Variants in USP54 observed in about 807,000 individuals in gnomAD.
The protein encoded by USP54 is ubiquitin specific peptidase 54, also known as ubiquitin carboxyl-terminal hydrolase 54.
In USP54, 87 loss-of-function variants were observed where a neutral mutation model predicts 170.5. The observed-to-expected ratio is 0.51, with a 90% CI of 0.43 to 0.61. The LOEUF is 0.61. Among genes scored for constraint, USP54 ranks in the 20% least tolerant of loss-of-function variants. The probability of loss-of-function intolerance (pLI) is 0.00; values close to 1 mark genes in which losing one functional copy is unlikely to be tolerated. For synonymous variants in USP54, 655 were observed against 742.8 expected (o/e 0.88, Z 1.92); for missense variants, 1,786 against 2,047.8 (o/e 0.87, Z 2.47).
chr10:73,550,866 G>T (rs1267120700), intron 4 of USP54, among the ~76,000 whole-genome samples: 1 of 152,146 alleles, frequency 6.6e-6, no homozygotes, highest in African/African-American at 2.4e-5. Context: ...CAGCACTTTG[G>T]GAGGCCGAGG....
Position 73,517,262 on chromosome 10 carries a change from C to G in USP54, c.3164G>C (p.Cys1055Ser), listed in dbSNP as rs1432269815. 2 of 1,613,888 alleles carry G rather than the reference C, an allele frequency of 1.2e-6. No individual in the cohort carries two copies. The highest frequency in any genetic ancestry group is 1.3e-5 in the African/African-American group (1 of 74,936). Reference protein sequence around the residue: ...SERGDEHSLGCSPSNSSAQPS... With the variant: ...SERGDEHSLGSSPSNSSAQPS... ...CTGAGCTGATGAATTTGAAGGACTA[C>G]AGCCTAGGCTGTGTTCATCACCCCT... Residue 1055 changes from cysteine to serine, a missense_variant, in exon 20 of 24, where the codon TGT (cysteine) becomes TCT (serine). Physicochemically the swap from Cys to Ser is moderately radical, Grantham distance 112 (BLOSUM62 -1). Transcript: ENST00000687698.
At chr10:73,520,856 T>C in intron 18 of USP54, 52 bp downstream of exon 18, 3 of 1,612,360 alleles carry the variant, frequency 1.9e-6, no homozygotes, top group Non-Finnish European at 2.5e-6. Context: ...TAATAATACC[T>C]ATTGTGAAGT....
At chr10:73,579,761 A>C (rs569156651) in intron 1 of USP54, among the ~76,000 whole-genome samples, 66 of 152,016 alleles carry the variant, frequency 4.3e-4, no homozygotes, top group East Asian at 1.5e-3. Context: ...CATCTCAAAA[A>C]AACAACAACA....
Position 73,498,669 on chromosome 10 carries a change from T to C in USP54, c.5015A>G (p.Glu1672Gly), listed in dbSNP as rs2057421532. The change falls in exon 24 of 24, where the codon GAG (glutamate) becomes GGG (glycine). Residue 1672 changes from glutamate to glycine, a missense_variant. By Grantham distance (98) the Glu-to-Gly change is moderately conservative. This residue lies in a region of USP54 where 1,418 missense variants were observed against 1,569.0 expected (regional missense o/e 0.90). Coordinates refer to ENST00000687698, the MANE Select transcript of USP54 (RefSeq NM_001391956.1). ...LFVLSDAPRR[E>G]QIRARVLQHS... ...CTGCAGGACTCTAGCCCTGATCTGC[T>C]CTCTTCTGGGAGCATCTGATAGAAC... 1.3e-6 allele frequency: 2 copies of C among 1,583,144 alleles called. No homozygotes were observed.
At chr10:73,586,087 C>T (rs370661287) in intron 1 of USP54, among the ~76,000 whole-genome samples, 4 of 152,200 alleles carry the variant, frequency 2.6e-5, no homozygotes, top group East Asian at 3.9e-4. Flanking sequence ...TGAGAATCAC[C>T]GGACCTTACC....
chr10:73,614,505 A>G (rs1437728685), intron 1 of USP54, among the ~76,000 whole-genome samples: 1 of 143,970 alleles, frequency 6.9e-6, no homozygotes, highest in African/African-American at 2.8e-5. Flanking sequence ...TGTTGCAGTG[A>G]GCCGAGATCA....
intron 19 of USP54, 55 bp from the exon 20 acceptor site, chr10:73,517,802 A>C: frequency 6.5e-7 from 1 of 1,532,200 alleles, no homozygotes; most frequent in Non-Finnish European, 8.8e-7. Flanking sequence ...AGGAACACTT[A>C]CAGAAAGAAC....
At chr10:73,572,576 T>C (rs1431199967) in intron 3 of USP54, among the ~76,000 whole-genome samples, 2 of 152,302 alleles carry the variant, frequency 1.3e-5, no homozygotes, top group Non-Finnish European at 2.9e-5. Context: ...AAACTGGCTA[T>C]GCTCCCAAGT....
chr10:73,556,933 C>G (rs542425941), intron 4 of USP54, among the ~76,000 whole-genome samples: 1 of 152,264 alleles, frequency 6.6e-6, no homozygotes, highest in East Asian at 1.9e-4. Context: ...TACTAGCATT[C>G]TTAAAAGAAA....
At chr10:73,621,599 CAAA>C (rs11380656) in intron 1 of USP54, among the ~76,000 whole-genome samples, 3 of 61,168 alleles carry the variant, frequency 4.9e-5, no homozygotes, top group Non-Finnish European at 3.6e-5. Flanking sequence ...CACTCCGTCT[CAAA>C]AAAAAAAAAA....
rs746951651 is a variant in USP54 at position 73,534,744 on chromosome 10, T to C, written c.1171A>G (p.Thr391Ala). The part of the protein sequence containing the change: ...SGREPSISSD[T>A]RTDSSTESYP... Reference sequence around the variant, plus strand: ...CTCTCCGTTGAGGAATCTGTTCGAGTGTCACTTGAGATGGAGGGCTCCCTC... The same window carrying C: ...CTCTCCGTTGAGGAATCTGTTCGAGCGTCACTTGAGATGGAGGGCTCCCTC... The change falls in exon 12 of 24, where the codon ACT becomes GCT. Residue 391 changes from threonine to alanine, a missense_variant. By Grantham distance (58) the Thr-to-Ala change is moderately conservative. Around this residue, in one of 3 missense-constraint regions of USP54, gnomAD observed 1,418 missense variants for 1,569.0 expected, o/e 0.90. Transcript: ENST00000687698. 35 of 1,613,864 alleles carry C rather than the reference T, an allele frequency of 2.2e-5. No homozygotes were observed. The highest frequency in any genetic ancestry group is 2.8e-5 in the Non-Finnish European group (33 of 1,179,890).
intron 4 of USP54, among the ~76,000 whole-genome samples, chr10:73,564,086 C>T (rs375873471): frequency 6.6e-6 from 1 of 152,180 alleles, no homozygotes; most frequent in South Asian, 2.1e-4. Context: ...ACTGCAGCCT[C>T]GACCTCCTGG....
chr10:73,572,861 C>G (rs2075436996), intron 3 of USP54, among the ~76,000 whole-genome samples: 1 of 152,018 alleles, frequency 6.6e-6, no homozygotes, highest in African/African-American at 2.4e-5. Flanking sequence ...AAATAGACCA[C>G]ATAGAAAAAA....
At chr10:73,533,685 T>C (rs1291646688) in intron 12 of USP54, among the ~76,000 whole-genome samples, 1 of 152,230 alleles carries the variant, frequency 6.6e-6, no homozygotes, top group African/African-American at 2.4e-5. Flanking sequence ...AAACTTTCCA[T>C]CTCAGCAGTC....
chr10:73,617,193 G>A (rs1044842082), intron 1 of USP54, among the ~76,000 whole-genome samples: 2 of 150,640 alleles, frequency 1.3e-5, no homozygotes, highest in Admixed American at 6.6e-5. Flanking sequence ...CTACTCAGGT[G>A]GCTGAGGCAG....
chr10:73,598,677 C>T (rs545815517), intron 1 of USP54, among the ~76,000 whole-genome samples: 58 of 151,628 alleles, frequency 3.8e-4, no homozygotes, highest in African/African-American at 1.3e-3. Context: ...TTTGGGAGGC[C>T]GAGGCGGGTG....
At chr10:73,528,346 G>A (rs1055568013) in intron 15 of USP54, among the ~76,000 whole-genome samples, 5 of 151,986 alleles carry the variant, frequency 3.3e-5, no homozygotes, top group Admixed American at 3.3e-4. Context: ...CCACCTCCTG[G>A]GTTCAAGTAA....
At chr10:73,613,774 A>C (rs2080365700) in intron 1 of USP54, among the ~76,000 whole-genome samples, 1 of 151,658 alleles carries the variant, frequency 6.6e-6, no homozygotes, top group African/African-American at 2.4e-5. Context: ...AGCTACTCAG[A>C]AGGCTGAGAG....
chr10:73,548,340 G>C (rs1337798957), intron 4 of USP54, among the ~76,000 whole-genome samples: 1 of 152,150 alleles, frequency 6.6e-6, no homozygotes, highest in Non-Finnish European at 1.5e-5. Context: ...CAAGGATCTA[G>C]AACTAGAAAT....
Sources: allele counts gnomAD v4.1 joint callset (sites outside exome capture counted in the v4.1 genomes callset), GRCh38; gene constraint gnomAD v4.1.1; regional missense constraint gnomAD v4.1.1; transcripts MANE v1.5; gene names NCBI Gene and HGNC (gene_info 2026-07-23, HGNC 2026-07-21).